The following SYN3 variants were observed in gnomAD, a reference collection of about 807,000 sequenced individuals.
SYN3 encodes the protein synapsin III, also known as synapsin-3.
Under a neutral mutation model 65.8 loss-of-function variants are expected in SYN3, and 35 were observed. The observed-to-expected ratio is 0.53, with a 90% CI of 0.41 to 0.70. The LOEUF is 0.70. Among genes scored for constraint, SYN3 ranks in the 30% least tolerant of loss-of-function variants. The probability of loss-of-function intolerance (pLI) is 0.00; values close to 1 mark genes in which losing one functional copy is unlikely to be tolerated. For synonymous variants in SYN3, 270 were observed against 292.9 expected (o/e 0.92, Z 0.80); for missense variants, 680 against 749.0 (o/e 0.91, Z 1.08).
intron 7 of SYN3, among the ~76,000 whole-genome samples, chr22:32,557,526 T>TAATA (rs1417717303): frequency 6.6e-6 from 1 of 152,226 alleles, no homozygotes; most frequent in African/African-American, 2.4e-5. Context: ...AGTTTACATG[T>TAATA]ATTATCTCAG....
intron 6 of SYN3, among the ~76,000 whole-genome samples, chr22:32,747,119 C>T (rs977913710): frequency 2.0e-5 from 3 of 152,288 alleles, no homozygotes; most frequent in East Asian, 1.9e-4. Flanking sequence ...ATTTCCACAA[C>T]ACCATTTTGT....
At chr22:32,608,963 C>T (rs976482565) in intron 6 of SYN3, among the ~76,000 whole-genome samples, 1 of 151,878 alleles carries the variant, frequency 6.6e-6, no homozygotes, top group African/African-American at 2.4e-5. Flanking sequence ...TTTTCTTCTT[C>T]TTTTTTTTAA....
chr22:32,656,544 T>C (rs960469485), intron 6 of SYN3, among the ~76,000 whole-genome samples: 1 of 152,160 alleles, frequency 6.6e-6, no homozygotes, highest in Admixed American at 6.5e-5. Flanking sequence ...GTTTGAGGTG[T>C]TAGCAAAGCA....
intron 10 of SYN3, chr22:32,530,032 T>C (rs1462443695): frequency 6.6e-6 from 1 of 152,224 alleles, no homozygotes; most frequent in African/African-American, 2.4e-5. Flanking sequence ...GACAACTGTA[T>C]CCTGCCGTTC....
intron 3 of SYN3, among the ~76,000 whole-genome samples, chr22:32,958,645 C>T (rs540894868): frequency 2.0e-5 from 3 of 152,272 alleles, no homozygotes; most frequent in African/African-American, 7.2e-5. Flanking sequence ...AGTCTAAGGG[C>T]TTTGCATGTA....
At chr22:33,005,393 T>G (rs1371632304) in intron 2 of SYN3, among the ~76,000 whole-genome samples, 1 of 152,210 alleles carries the variant, frequency 6.6e-6, no homozygotes, top group Non-Finnish European at 1.5e-5. Context: ...TTTCTATGTC[T>G]CCAGCTAGAC....
chr22:33,024,011 G>A (rs1172262497), intron 1 of SYN3, among the ~76,000 whole-genome samples: 1 of 152,070 alleles, frequency 6.6e-6, no homozygotes, highest in African/African-American at 2.4e-5. Flanking sequence ...TCCTGAGTGT[G>A]GACACTCAGG....
intron 8 of SYN3, among the ~76,000 whole-genome samples, chr22:32,538,527 A>G (rs1000795830): frequency 6.6e-6 from 1 of 152,134 alleles, no homozygotes; most frequent in Non-Finnish European, 1.5e-5. Context: ...TCTGGTGAAG[A>G]TTAGGAAGGC....
chr22:33,040,416 T>C (rs1277757513), intron 1 of SYN3, among the ~76,000 whole-genome samples: 1 of 152,202 alleles, frequency 6.6e-6, no homozygotes, highest in South Asian at 2.1e-4. Flanking sequence ...ATGCCTTTCA[T>C]GGACCACAGC....
At position 33,041,035 on chromosome 22, in the gene SYN3, C is replaced by T. The variant is rs150525450; in HGVS notation, c.-163+17257G>A. On this transcript the variant is annotated intron_variant, in intron 1 of 13. Coordinates refer to ENST00000358763, the MANE Select transcript of SYN3 (RefSeq NM_003490.4). ...GTTCAAGCGATTCTCCTGCCTCAGC[C>T]TCCCGAGTAGCTGGGATTACAGGCA... Among the ~76,000 whole-genome samples the T allele has an allele frequency of 8.4e-4, 127 of 151,840 alleles. No individual in the cohort carries two copies. In the East Asian group the frequency reaches 0.024, roughly 29 times the overall value.
chr22:32,995,946 C>T (rs2052867817), intron 2 of SYN3, among the ~76,000 whole-genome samples: 1 of 152,080 alleles, frequency 6.6e-6, no homozygotes, highest in Non-Finnish European at 1.5e-5. Flanking sequence ...CCACCGCATC[C>T]GGCCTTTTTT....
chr22:32,629,022 C>T (rs2059709787), intron 6 of SYN3, among the ~76,000 whole-genome samples: 1 of 152,126 alleles, frequency 6.6e-6, no homozygotes, highest in East Asian at 1.9e-4. Flanking sequence ...GAACCTGGAG[C>T]TCTCCAGGCA....
intron 6 of SYN3, among the ~76,000 whole-genome samples, chr22:32,752,255 C>T (rs2045151457): frequency 6.6e-6 from 1 of 152,180 alleles, no homozygotes; most frequent in Non-Finnish European, 1.5e-5. Context: ...AAGCCTGTGC[C>T]CTCTAAATAT....
intron 1 of SYN3, among the ~76,000 whole-genome samples, chr22:33,031,148 T>C (rs567804004): frequency 5.3e-5 from 8 of 152,316 alleles, no homozygotes; most frequent in African/African-American, 1.9e-4. Flanking sequence ...GCAGTGCTTC[T>C]GGTGGCTGAG....
At chr22:32,570,624 G>A (rs1028667666) in intron 7 of SYN3, among the ~76,000 whole-genome samples, 3 of 152,044 alleles carry the variant, frequency 2.0e-5, no homozygotes, top group Non-Finnish European at 2.9e-5. Context: ...TGAGTATGCC[G>A]CATTTAGCAA....
intron 9 of SYN3, among the ~76,000 whole-genome samples, chr22:32,535,120 A>G (rs2058141825): frequency 6.6e-6 from 1 of 152,140 alleles, no homozygotes. Flanking sequence ...ACAGGCTCAG[A>G]GCGATGATTA....
At chr22:32,697,213 A>G (rs889569447) in intron 6 of SYN3, among the ~76,000 whole-genome samples, 3 of 152,196 alleles carry the variant, frequency 2.0e-5, no homozygotes, top group African/African-American at 7.2e-5. Context: ...GTGGCAAGTT[A>G]CTTTTCTAAA....
chr22:32,932,565 G>C (rs1212243982), intron 3 of SYN3, among the ~76,000 whole-genome samples: 1 of 152,132 alleles, frequency 6.6e-6, no homozygotes, highest in Admixed American at 6.5e-5. Flanking sequence ...ACCAAGAGAG[G>C]GGCAGGGGCA....
intron 6 of SYN3, among the ~76,000 whole-genome samples, chr22:32,809,609 T>G (rs144333148): frequency 2.8e-4 from 43 of 152,322 alleles, no homozygotes; most frequent in African/African-American, 8.7e-4. Flanking sequence ...ATGTGTTGAG[T>G]GTTGATTAAC....
Sources: gnomAD v4.1 joint callset for allele counts (sites outside exome capture counted in the v4.1 genomes callset) on GRCh38, gnomAD v4.1.1 for gene constraint, MANE v1.5 for transcripts, NCBI Gene and HGNC (gene_info 2026-07-23, HGNC 2026-07-21) for gene names.